Variants in CEP112 observed in about 807,000 individuals in gnomAD.
CEP112 encodes the protein centrosomal protein 112, also known as centrosomal protein of 112 kDa.
In CEP112, 127 loss-of-function variants were observed where a neutral mutation model predicts 153.0. That is an observed-to-expected ratio of 0.83 (90% CI 0.72 to 0.96). The LOEUF (loss-of-function observed/expected upper bound fraction) is 0.96. Among genes scored for constraint, CEP112 ranks in the 40% least tolerant of loss-of-function variants. CEP112 has a pLI of 0.00. For missense variants in CEP112, 1,089 were observed against 1,101.2 expected (o/e 0.99, Z 0.16); for synonymous variants, 358 against 374.4 (o/e 0.96, Z 0.51).
At chr17:66,154,750 A>AAAC (rs556883612) in intron 4 of CEP112, among the ~76,000 whole-genome samples, 5,166 of 151,518 alleles carry the variant, frequency 0.034, 130 homozygotes, top group Middle Eastern at 0.062. Flanking sequence ...AAACAAAAAA[A>AAAC]AACAACAGAG....
At chr17:65,783,157 A>C (rs941153008) in intron 21 of CEP112, among the ~76,000 whole-genome samples, 1 of 152,182 alleles carries the variant, frequency 6.6e-6, no homozygotes, top group Non-Finnish European at 1.5e-5. Flanking sequence ...AGATACACAG[A>C]AGGCTAAAAG....
At chr17:66,162,192 AC>A (rs1207334828) in intron 4 of CEP112, among the ~76,000 whole-genome samples, 1 of 152,248 alleles carries the variant, frequency 6.6e-6, no homozygotes. Context: ...CAGAAACTTC[AC>A]ATAAGAGGAT....
chr17:65,913,226 C>A (rs1420366298), intron 19 of CEP112, among the ~76,000 whole-genome samples: 2 of 152,098 alleles, frequency 1.3e-5, no homozygotes, highest in Non-Finnish European at 2.9e-5. Flanking sequence ...GGCAGTCTAC[C>A]GCAAAGGTAG....
At chr17:66,065,370 T>C (rs2146036105) in intron 10 of CEP112, among the ~76,000 whole-genome samples, 1 of 152,286 alleles carries the variant, frequency 6.6e-6, no homozygotes, top group East Asian at 1.9e-4. Flanking sequence ...ACAGCCTATG[T>C]TTTCTAATAA....
intron 22 of CEP112, among the ~76,000 whole-genome samples, chr17:65,743,823 G>A (rs986606846): frequency 3.3e-5 from 5 of 151,496 alleles, no homozygotes; most frequent in Non-Finnish European, 2.9e-5. Context: ...GTGCAATGGC[G>A]TGATCTTGGC....
Position 66,083,968 on chromosome 17 carries a change from C to T in CEP112, c.768+12283G>A, listed in dbSNP as rs1441267223. Reference sequence around the variant, plus strand: ...TAGAAAAATAAAATTTTTAAATAGACAAAAAAGAGGTAATTTTTTGTTATG... The same window carrying T: ...TAGAAAAATAAAATTTTTAAATAGATAAAAAAGAGGTAATTTTTTGTTATG... On this transcript the variant is annotated intron_variant, in intron 8 of 26. Coordinates refer to ENST00000535342, the MANE Select transcript of CEP112 (RefSeq NM_001199165.4). Among the ~76,000 whole-genome samples the T allele has an allele frequency of 2.6e-5, 4 of 151,990 alleles. No individual in the cohort carries two copies. In the East Asian group the frequency reaches 7.7e-4, roughly 29 times the overall value.
Position 65,679,081 on chromosome 17 carries a change from G to GATGTGT in CEP112, c.2697+10042_2697+10047dup, listed in dbSNP as rs2047374841. On this transcript the variant is annotated intron_variant, in intron 24 of 26. Transcript: ENST00000535342. ...TGATTTATAAGAAATATTTTGATAA[G>GATGTGT]ATGTGTATTTAATAAAAATACTAAT... 3.2e-5 allele frequency among the ~76,000 whole-genome samples: 4 copies of GATGTGT among 125,484 alleles called. No homozygotes were observed. In the South Asian group the frequency reaches 1.1e-3, roughly 35 times the overall value. The allele number at this position is 125,484 out of a possible 152,430, so 82.3% of individuals were successfully genotyped here.
intron 18 of CEP112, among the ~76,000 whole-genome samples, chr17:65,937,014 C>T (rs144402349): frequency 0.4 from 57,977 of 144,676 alleles, 13,158 homozygotes; most frequent in East Asian, 0.86. Flanking sequence ...GATGGGGTTT[C>T]GCTGTGTTGG....
chr17:65,908,302 C>A (rs532925703), intron 19 of CEP112, among the ~76,000 whole-genome samples: 139 of 152,218 alleles, frequency 9.1e-4, no homozygotes, highest in Non-Finnish European at 1.6e-3. Flanking sequence ...ATATGATAGT[C>A]CTTTGAGAAG....
rs140109154 is a variant in CEP112 at position 65,698,971 on chromosome 17, G to A, written c.2608-9753C>T. On this transcript the variant is annotated intron_variant, in intron 23 of 26. Coordinates refer to ENST00000535342, the MANE Select transcript of CEP112 (RefSeq NM_001199165.4). The stretch of plus-strand genomic sequence containing the variant: ...GACTAATTCACACATGCCGTCCCCT[G>A]AACCTGCAGTATCATTTCCAATCCC... 1.9e-3 allele frequency among the ~76,000 whole-genome samples: 283 copies of A among 152,230 alleles called. 1 individual carries two copies. The highest frequency in any genetic ancestry group is 6.6e-3 in the African/African-American group (275 of 41,540).
At chr17:65,844,506 G>A (rs1187684964) in intron 21 of CEP112, among the ~76,000 whole-genome samples, 1 of 151,812 alleles carries the variant, frequency 6.6e-6, no homozygotes, top group East Asian at 1.9e-4. Flanking sequence ...TCAACATGGT[G>A]AAACCTTGTC....
At chr17:65,911,191 C>T (rs1332044414) in intron 19 of CEP112, among the ~76,000 whole-genome samples, 1 of 152,142 alleles carries the variant, frequency 6.6e-6, no homozygotes, top group Non-Finnish European at 1.5e-5. Flanking sequence ...AAAATAAGAA[C>T]TCAGGTATGA....
At chr17:66,141,395 A>C (rs544698658) in intron 4 of CEP112, among the ~76,000 whole-genome samples, 1 of 122,984 alleles carries the variant, frequency 8.1e-6, no homozygotes, top group Non-Finnish European at 1.8e-5. Flanking sequence ...CTCTTTTTAA[A>C]ATAGTTTTTT....
intron 21 of CEP112, among the ~76,000 whole-genome samples, chr17:65,754,785 C>T (rs35233670): frequency 0.4 from 60,725 of 151,944 alleles, 12,889 homozygotes; most frequent in East Asian, 0.69. Context: ...CTTTTAAGAT[C>T]ACTGAAACAG....
At chr17:65,988,316 T>A (rs1310182586) in intron 17 of CEP112, among the ~76,000 whole-genome samples, 1 of 151,932 alleles carries the variant, frequency 6.6e-6, no homozygotes, top group Non-Finnish European at 1.5e-5. Context: ...ACAAAACAAG[T>A]CAGGCAAGGA....
intron 12 of CEP112, among the ~76,000 whole-genome samples, chr17:66,039,356 C>T (rs2065878023): frequency 6.6e-6 from 1 of 152,114 alleles, no homozygotes; most frequent in Non-Finnish European, 1.5e-5. Context: ...TATTAGGCAA[C>T]TACTTGGTAT....
intron 12 of CEP112, 67 bp downstream of exon 12, chr17:66,053,669 G>A (rs2066544831): frequency 6.7e-7 from 1 of 1,499,338 alleles, no homozygotes; most frequent in African/African-American, 1.4e-5. Flanking sequence ...GCACATCAGG[G>A]AAACATGAGG....
At chr17:65,849,629 T>C (rs2057854660) in intron 21 of CEP112, among the ~76,000 whole-genome samples, 1 of 152,360 alleles carries the variant, frequency 6.6e-6, no homozygotes, top group South Asian at 2.1e-4. Context: ...AAATTGGATG[T>C]GTTATATGTC....
intron 21 of CEP112, among the ~76,000 whole-genome samples, chr17:65,833,906 A>C (rs928866021): frequency 6.6e-6 from 1 of 152,190 alleles, no homozygotes; most frequent in Non-Finnish European, 1.5e-5. Context: ...AATCCAAAGT[A>C]AAGAGAACAA....
Sources: allele counts gnomAD v4.1 joint callset (sites outside exome capture counted in the v4.1 genomes callset), GRCh38; gene constraint gnomAD v4.1.1; transcripts MANE v1.5; gene names NCBI Gene and HGNC (gene_info 2026-07-23, HGNC 2026-07-21).